The following NTMT1 variants were observed in gnomAD, a reference collection of about 807,000 sequenced individuals.
NTMT1 encodes the protein N-terminal Xaa-Pro-Lys N-methyltransferase 1.
In NTMT1, 8 loss-of-function variants were observed where a neutral mutation model predicts 17.5. The observed-to-expected ratio is 0.46, with a 90% CI of 0.27 to 0.82. The LOEUF (loss-of-function observed/expected upper bound fraction) is 0.82, where lower values mean the gene tolerates loss of function less well. Ranked by LOEUF, NTMT1 falls within the 40% of genes least tolerant of loss-of-function variation. The probability of loss-of-function intolerance (pLI) is 0.15; values close to 1 mark genes in which losing one functional copy is unlikely to be tolerated. For synonymous variants in NTMT1, 128 were observed against 126.8 expected, an observed-to-expected ratio of 1.01 and a Z score of -0.06; for missense variants, 221 against 303.5, an observed-to-expected ratio of 0.73 and a Z score of 2.02.
Position 129,620,774 on chromosome 9 carries a change from A to G in NTMT1, c.-55+11596A>G, listed in dbSNP as rs1232473816. On this transcript the variant is annotated intron_variant, in intron 1 of 3. Transcript: ENST00000372486. This position sits in a 1 kb window ranked among gnomAD's most constrained non-coding sequence, Gnocchi z 5.8. ...AGAGCCTCTGTTTCCTCACCTGAAA[A>G]ATGGTGACAGCAAGAGTAGCCAACT... The G allele has an allele frequency of 1.4e-5, 6 of 439,050 alleles. No homozygotes were observed. The highest frequency in any genetic ancestry group is 3.8e-6 in the Non-Finnish European group (1 of 265,116). 27.2% of individuals were successfully genotyped at this position (439,050 alleles called of 1,614,324 possible). A position where few individuals can be genotyped will look rare whatever the true frequency, so the allele number is the denominator to read the frequency against.
At chr9:129,633,413 C>T (rs984774352) in intron 2 of NTMT1, 27 of 186,462 alleles carry the variant, frequency 1.4e-4, no homozygotes, top group African/African-American at 1.9e-4. Context: ...CCTGTTGCCC[C>T]GCTTCCATTC....
chr9:129,634,002 G>C (rs10819551), intron 2 of NTMT1, 52 bp from the exon 3 acceptor site: 1,547,338 of 1,573,046 alleles, frequency 0.98, 761,097 homozygotes, highest in South Asian at 0.99. Flanking sequence ...AGGAAGGGCC[G>C]CACGTGCGGT....
chr9:129,621,363 G>A (rs149049946), upstream of NTMT1, among the ~76,000 whole-genome samples: 250 of 152,262 alleles, frequency 1.6e-3, 2 homozygotes, highest in African/African-American at 5.8e-3. Flanking sequence ...TTGTTAAAGA[G>A]ATGGGGTCTT....
intron 1 of NTMT1, among the ~76,000 whole-genome samples, chr9:129,626,925 T>C (rs1029275073): frequency 2.6e-5 from 4 of 152,196 alleles, no homozygotes; most frequent in Admixed American, 2.6e-4. Flanking sequence ...CTATAAGTGA[T>C]TGCCACAACT....
At position 129,635,448 on chromosome 9, in the gene NTMT1, G is replaced by A. The variant is rs773666852; in HGVS notation, c.656G>A (p.Ser219Asn). 1 of 1,612,076 alleles carries A rather than the reference G, an allele frequency of 6.2e-7. No individual in the cohort carries two copies. The highest frequency in any genetic ancestry group is 8.5e-7 in the Non-Finnish European group (1 of 1,179,044). ...CCCGATGAGATCTACCATGTCTATAGCTTTGCCCTGAGATGAGCCGGGGCT... is the reference window on the plus strand; with the variant it reads ...CCCGATGAGATCTACCATGTCTATAACTTTGCCCTGAGATGAGCCGGGGCT... ...NLPDEIYHVYSFALR is the reference protein window; with the variant it reads ...NLPDEIYHVYNFALR Residue 219 changes from serine (S) to asparagine (N), a missense_variant, in exon 4 of 4, where the codon AGC (serine) becomes AAC (asparagine). Physicochemically the swap from Ser to Asn is conservative, Grantham distance 46. Coordinates refer to ENST00000372483, the MANE Select transcript of NTMT1 (RefSeq NM_014064.4).
At chr9:129,609,477 GT>G (rs1282823727) in intron 1 of NTMT1, among the ~76,000 whole-genome samples, 6 of 152,164 alleles carry the variant, frequency 3.9e-5, no homozygotes, top group Non-Finnish European at 8.8e-5. Context: ...ATGGGTCTGA[GT>G]TGGGGGGAGC....
At chr9:129,609,589 A>G (rs1435746458) in intron 1 of NTMT1, among the ~76,000 whole-genome samples, 1 of 141,850 alleles carries the variant, frequency 7.0e-6, no homozygotes, top group African/African-American at 2.6e-5. Context: ...CTGAGTGGAA[A>G]TGCCCCACGG....
At chr9:129,625,593 C>T (rs981975964), upstream of NTMT1, among the ~76,000 whole-genome samples, 12 of 152,054 alleles carry the variant, frequency 7.9e-5, no homozygotes, top group Non-Finnish European at 2.9e-5. Context: ...GTGTTGGGCG[C>T]GGTGGCTCAC....
intron 1 of NTMT1, among the ~76,000 whole-genome samples, chr9:129,629,706 TC>T (rs894929359): frequency 2.0e-5 from 3 of 152,204 alleles, no homozygotes; most frequent in Non-Finnish European, 4.4e-5. Flanking sequence ...CCCAAAGGGC[TC>T]CCTGATTGGT....
At chr9:129,619,425 A>G in intron 1 of NTMT1, 1 of 877,522 alleles carries the variant, frequency 1.1e-6, no homozygotes, top group South Asian at 1.6e-5. Flanking sequence ...AGATAGGTGG[A>G]TAAATGAATA....
intron 1 of NTMT1, chr9:129,612,300 C>T: frequency 6.6e-7 from 1 of 1,514,850 alleles, no homozygotes. Context: ...AAGGACGCTC[C>T]TCATTGCCTG....
chr9:129,613,162 T>C lies in NTMT1; in HGVS notation c.-55+3984T>C, dbSNP rs1158121437. On this transcript the variant is annotated intron_variant, in intron 1 of 3. Transcript: ENST00000372486. This position sits in a 1 kb window ranked among gnomAD's most constrained non-coding sequence, Gnocchi z 6.2. ...GGCTCGGAGGCTGCTTCGCGGCCTC[T>C]GAGCAGCGGCCTTCTTCCATGAACA... 4 of 1,613,648 alleles carry C rather than the reference T, an allele frequency of 2.5e-6. No individual in the cohort carries two copies. The highest frequency in any genetic ancestry group is 1.6e-4 in the Middle Eastern group (1 of 6,082).
At chr9:129,615,719 C>T (rs1231686239) in intron 1 of NTMT1, 2 of 1,439,790 alleles carry the variant, frequency 1.4e-6, no homozygotes, top group Non-Finnish European at 1.8e-6. Context: ...CAGCCCCAGA[C>T]TCGCTGTGAG....
chr9:129,630,903 C>G (rs1293268854), intron 1 of NTMT1, among the ~76,000 whole-genome samples: 1 of 152,268 alleles, frequency 6.6e-6, no homozygotes, highest in African/African-American at 2.4e-5. Flanking sequence ...AGCACGGCCA[C>G]TGCCATTCTC....
intron 1 of NTMT1, among the ~76,000 whole-genome samples, chr9:129,618,481 A>T (rs1830499907): frequency 6.6e-6 from 1 of 152,196 alleles, no homozygotes; most frequent in African/African-American, 2.4e-5. Flanking sequence ...AATAGAACTG[A>T]ACTATGAATG....
At chr9:129,619,959 T>G in intron 1 of NTMT1, 10 of 1,482,450 alleles carry the variant, frequency 6.7e-6, no homozygotes, top group Non-Finnish European at 9.2e-6. Flanking sequence ...TCAGCTAACA[T>G]TAGCATCCTT....
In NTMT1 at chr9:129,620,018, C is replaced by A. The variant is rs1244427581; in HGVS notation, c.-55+10840C>A. ...GGTGCGGGGACACAAGGGACCACCC[C>A]CCACCGGAAATGACTCGGGCCCGCC... On this transcript the variant is annotated intron_variant, in intron 1 of 3. Transcript: ENST00000372486. The surrounding 1 kb of genome is among the most constrained non-coding windows in gnomAD (Gnocchi z 5.8). The A allele has an allele frequency of 6.9e-7, 1 of 1,459,414 alleles. No individual in the cohort carries two copies. Among genetic ancestry groups the A allele is most frequent in the Non-Finnish European group, 9.1e-7 (1 of 1,101,490 alleles). The allele number at this position is 1,459,414 out of a possible 1,614,324, so 90.4% of individuals were successfully genotyped here.
intron 2 of NTMT1, 37 bp downstream of exon 2, chr9:129,632,902 G>A (rs1406071936): frequency 5.0e-6 from 8 of 1,602,384 alleles, no homozygotes; most frequent in Non-Finnish European, 6.0e-6. Context: ...GAGAGGCTGT[G>A]GCTCTGGTGG....
At chr9:129,609,543 C>T (rs554431802) in intron 1 of NTMT1, among the ~76,000 whole-genome samples, 1 of 151,056 alleles carries the variant, frequency 6.6e-6, no homozygotes, top group Admixed American at 6.6e-5. Context: ...GAGGGGCAGC[C>T]CCCCCACCCC....
Sources: allele counts gnomAD v4.1 joint callset (sites outside exome capture counted in the v4.1 genomes callset), GRCh38; gene constraint gnomAD v4.1.1; non-coding constraint Gnocchi (gnomAD v3.1); transcripts MANE v1.5; gene names NCBI Gene and HGNC (gene_info 2026-07-23, HGNC 2026-07-21).